The following PPFIA1 variants were observed in gnomAD, a reference collection of about 807,000 sequenced individuals.
PPFIA1 encodes PPFI scaffold protein A1.
PPFIA1 carries 25 observed loss-of-function variants against 149.9 expected under a neutral mutation model. The ratio of observed to expected loss-of-function variants is 0.17; its 90% CI spans 0.12 to 0.23. The LOEUF (loss-of-function observed/expected upper bound fraction) is 0.23, where lower values mean the gene tolerates loss of function less well. PPFIA1 is among the 10% of genes least tolerant of loss of function. The pLI, the probability that PPFIA1 is intolerant of heterozygous loss-of-function variation, is 1.00. For synonymous variants in PPFIA1, 549 were observed against 552.8 expected, an observed-to-expected ratio of 0.99 and a Z score of 0.10; for missense variants, 1,362 against 1,506.5, an observed-to-expected ratio of 0.90 and a Z score of 1.59.
At chr11:70,309,534 C>T (rs950976870) in intron 2 of PPFIA1, among the ~76,000 whole-genome samples, 1 of 151,614 alleles carries the variant, frequency 6.6e-6, no homozygotes, top group African/African-American at 2.4e-5. Context: ...TATTGAAATG[C>T]TAACAACAAC....
chr11:70,284,051 A>T (rs370751742), intron 2 of PPFIA1: 14 of 522,476 alleles, frequency 2.7e-5, no homozygotes, highest in Non-Finnish European at 3.5e-5. Flanking sequence ...GCTTCAACCT[A>T]ATATGATGCA....
rs900757222 is a variant in PPFIA1, at chr11:70,384,002, A to G, written c.*1012A>G. 4 of 152,236 alleles carry G rather than the reference A, an allele frequency of 2.6e-5. No individual in the cohort carries two copies. The highest frequency in any genetic ancestry group is 4.4e-5 in the Non-Finnish European group (3 of 68,050). 9.4% of individuals were successfully genotyped at this position (152,236 alleles called of 1,614,324 possible). ...TAAAGGCCTTATTTTTCTTATGTAA[A>G]TCATCTTTTTACATTTGTTTGTAAA... On this transcript the variant is annotated 3_prime_UTR_variant, in exon 28 of 28. Coordinates refer to ENST00000253925, the MANE Select transcript of PPFIA1 (RefSeq NM_003626.5).
intron 19 of PPFIA1, among the ~76,000 whole-genome samples, chr11:70,359,012 G>A (rs1300801617): frequency 2.0e-5 from 3 of 152,218 alleles, no homozygotes; most frequent in Non-Finnish European, 4.4e-5. Context: ...GCAGACTCGG[G>A]AGATTTGCTG....
intron 2 of PPFIA1, among the ~76,000 whole-genome samples, chr11:70,277,039 TA>T (rs1565330569): frequency 8.6e-5 from 5 of 58,326 alleles, no homozygotes; most frequent in African/African-American, 5.4e-4. Context: ...TTGATTGAGA[TA>T]TATATATATA....
At chr11:70,298,273 A>AG (rs2136306780) in intron 2 of PPFIA1, among the ~76,000 whole-genome samples, 1 of 152,244 alleles carries the variant, frequency 6.6e-6, no homozygotes, top group East Asian at 1.9e-4. Flanking sequence ...TGGGGTGCTG[A>AG]GCTGAGTGGT....
intron 8 of PPFIA1, among the ~76,000 whole-genome samples, chr11:70,331,229 CG>C (rs1202580005): frequency 7.0e-6 from 1 of 142,866 alleles, no homozygotes; most frequent in Non-Finnish European, 1.5e-5. Context: ...AGCTAGACTC[CG>C]TCTCAAAAAA....
intron 2 of PPFIA1, among the ~76,000 whole-genome samples, chr11:70,281,527 G>T (rs530050901): frequency 2.0e-5 from 3 of 152,270 alleles, no homozygotes; most frequent in Admixed American, 6.5e-5. Flanking sequence ...AGAGTGTTGG[G>T]CTCATTTCCT....
chr11:70,351,776 T>C (rs888465242), intron 16 of PPFIA1, among the ~76,000 whole-genome samples: 6 of 152,220 alleles, frequency 3.9e-5, no homozygotes, highest in African/African-American at 1.4e-4. Context: ...AGTGCAGATT[T>C]GAGTTCAGAT....
At chr11:70,375,121 C>T (rs1469830826) in intron 24 of PPFIA1, 28 bp downstream of exon 24, 5 of 1,446,450 alleles carry the variant, frequency 3.5e-6, no homozygotes, top group Non-Finnish European at 4.6e-6. Context: ...TGTGTCTGCA[C>T]TCATTGTTCA....
chr11:70,307,047 G>A (rs571283920), intron 2 of PPFIA1, among the ~76,000 whole-genome samples: 11 of 152,288 alleles, frequency 7.2e-5, no homozygotes, highest in East Asian at 3.9e-4. Context: ...AGGCAATGGC[G>A]AATGGAGAAT....
At chr11:70,294,543 TTTC>T (rs1017066930) in intron 2 of PPFIA1, among the ~76,000 whole-genome samples, 12 of 58,442 alleles carry the variant, frequency 2.1e-4, no homozygotes, top group African/African-American at 1.3e-3. Flanking sequence ...GAGAATTTTC[TTTC>T]TTTTTTTTTT....
At chr11:70,275,392 C>G (rs1274863255) in intron 2 of PPFIA1, among the ~76,000 whole-genome samples, 3 of 152,186 alleles carry the variant, frequency 2.0e-5, no homozygotes, top group Admixed American at 2.0e-4. Context: ...CCTTTTCACT[C>G]TCTCAGTTGT....
intron 2 of PPFIA1, among the ~76,000 whole-genome samples, chr11:70,287,611 C>T (rs2051232552): frequency 6.6e-6 from 1 of 151,072 alleles, no homozygotes; most frequent in South Asian, 2.1e-4. Flanking sequence ...TTACAGGCAT[C>T]AGCCACTACA....
chr11:70,379,135 G>C (rs1295627739), intron 26 of PPFIA1, among the ~76,000 whole-genome samples: 1 of 152,178 alleles, frequency 6.6e-6, no homozygotes, highest in Non-Finnish European at 1.5e-5. Context: ...AGTCGGGGCT[G>C]TTTGGCAGCC....
chr11:70,346,294 A>T (rs2055702769), intron 15 of PPFIA1, among the ~76,000 whole-genome samples: 1 of 151,964 alleles, frequency 6.6e-6, no homozygotes, highest in Admixed American at 6.6e-5. Flanking sequence ...GTCCTGCAGC[A>T]GGTCTGGGTG....
At chr11:70,324,758 T>C in intron 3 of PPFIA1, 89 bp from the exon 4 acceptor site, 2 of 1,254,986 alleles carry the variant, frequency 1.6e-6, no homozygotes, top group Non-Finnish European at 2.2e-6. Context: ...CATTTTAGTA[T>C]GAGACTGTAA....
At chr11:70,299,847 A>G (rs957670292) in intron 2 of PPFIA1, among the ~76,000 whole-genome samples, 7 of 151,474 alleles carry the variant, frequency 4.6e-5, no homozygotes, top group Non-Finnish European at 8.8e-5. Flanking sequence ...GTGCTTCTGC[A>G]CTCTCCCTTT....
chr11:70,352,388 G>A (rs1051299279), intron 16 of PPFIA1, among the ~76,000 whole-genome samples: 9 of 152,164 alleles, frequency 5.9e-5, no homozygotes, highest in East Asian at 1.9e-4. Flanking sequence ...GCTGACTTCT[G>A]TTGGATTGTT....
At chr11:70,342,729 T>A (rs2055410869) in intron 14 of PPFIA1, among the ~76,000 whole-genome samples, 1 of 152,146 alleles carries the variant, frequency 6.6e-6, no homozygotes, top group South Asian at 2.1e-4. Flanking sequence ...TTTCTGTAAC[T>A]TTCCAGTAGC....
Sources: allele counts gnomAD v4.1 joint callset (sites outside exome capture counted in the v4.1 genomes callset), GRCh38; gene constraint gnomAD v4.1.1; transcripts MANE v1.5; gene names NCBI Gene and HGNC (gene_info 2026-07-23, HGNC 2026-07-21).